Variants in COL24A1 observed in about 807,000 individuals in gnomAD.
COL24A1 encodes collagen type XXIV alpha 1 chain.
Under a neutral mutation model 253.9 loss-of-function variants are expected in COL24A1, and 224 were observed. The ratio of observed to expected loss-of-function variants is 0.88; its 90% CI spans 0.79 to 0.99. The LOEUF (loss-of-function observed/expected upper bound fraction) is 0.99, where lower values mean the gene tolerates loss of function less well. COL24A1 is among the 50% of genes least tolerant of loss of function. The pLI is 0.00. For missense variants in COL24A1, 2,131 were observed against 2,068.5 expected (o/e 1.03, Z -0.59); for synonymous variants, 685 against 673.7 (o/e 1.02, Z -0.26).
chr1:86,126,495 C>T (rs1027837305), intron 2 of COL24A1, among the ~76,000 whole-genome samples: 1 of 152,018 alleles, frequency 6.6e-6, no homozygotes, highest in Non-Finnish European at 1.5e-5. Context: ...ATTTTAGAGA[C>T]AGGGTTTCCA....
chr1:85,836,200 G>C (rs1389331890), intron 43 of COL24A1, among the ~76,000 whole-genome samples: 1 of 152,150 alleles, frequency 6.6e-6, no homozygotes, highest in Non-Finnish European at 1.5e-5. Flanking sequence ...AGGCTCCCGT[G>C]TTACGTATAA....
intron 24 of COL24A1, among the ~76,000 whole-genome samples, chr1:85,923,631 A>T (rs1257593194): frequency 1.3e-5 from 2 of 152,228 alleles, no homozygotes; most frequent in Non-Finnish European, 2.9e-5. Context: ...ATGAGAACAA[A>T]GACACAACGT....
intron 43 of COL24A1, among the ~76,000 whole-genome samples, chr1:85,823,959 T>C (rs1424296530): frequency 2.0e-5 from 3 of 152,286 alleles, no homozygotes; most frequent in Middle Eastern, 6.8e-3. Context: ...TTTCTTTTTT[T>C]TTAATGTGAA....
chr1:85,885,397 A>ATATATATATATTTTTTT (rs60994639), intron 32 of COL24A1, among the ~76,000 whole-genome samples: 4 of 128,912 alleles, frequency 3.1e-5, no homozygotes, highest in Admixed American at 8.4e-5. Context: ...ATATATATAT[A>ATATATATATATTTTTTT]TTTTTTTTTT....
chr1:86,139,200 G>C (rs1047306419), intron 2 of COL24A1, among the ~76,000 whole-genome samples: 2 of 151,372 alleles, frequency 1.3e-5, no homozygotes, highest in African/African-American at 2.4e-5. Flanking sequence ...AGGGAGGAGA[G>C]AGAAGTAGTA....
chr1:86,138,621 C>A (rs151320187), intron 2 of COL24A1, among the ~76,000 whole-genome samples: 1 of 152,184 alleles, frequency 6.6e-6, no homozygotes, highest in Non-Finnish European at 1.5e-5. Flanking sequence ...TGGCCTTCCA[C>A]CATGATTGTG....
intron 24 of COL24A1, among the ~76,000 whole-genome samples, chr1:85,941,711 A>G (rs1688774014): frequency 6.6e-6 from 1 of 152,170 alleles, no homozygotes; most frequent in African/African-American, 2.4e-5. Context: ...CTAAGAAACT[A>G]TTTCCTGACA....
rs77380975 is a variant in COL24A1, at chr1:86,123,898, C to G, written c.1491+947G>C. ...AAGACTGGCTTCACCTTCTCCCATT[C>G]TATGATTTCTAGAGCTAAGCCAAAG... On this transcript the variant is annotated intron_variant, in intron 3 of 59. Coordinates refer to ENST00000370571, the MANE Select transcript of COL24A1 (RefSeq NM_152890.7). Among the ~76,000 whole-genome samples, 1,371 of 151,902 alleles carry G rather than the reference C, an allele frequency of 9.0e-3. 24 individuals carry two copies. Among genetic ancestry groups the G allele is most frequent in the East Asian group, 0.074 (383 of 5,174 alleles).
At chr1:85,985,946 A>G (rs1445238427) in intron 20 of COL24A1, among the ~76,000 whole-genome samples, 1 of 151,800 alleles carries the variant, frequency 6.6e-6, no homozygotes, top group African/African-American at 2.4e-5. Context: ...CTTCTATTAT[A>G]AATATTTTCC....
chr1:86,060,396 T>C (rs1258656175), intron 8 of COL24A1, among the ~76,000 whole-genome samples: 1 of 152,120 alleles, frequency 6.6e-6, no homozygotes, highest in African/African-American at 2.4e-5. Flanking sequence ...ATAAATGATA[T>C]AATGGAAGAT....
intron 12 of COL24A1, among the ~76,000 whole-genome samples, chr1:86,041,886 C>A (rs72716137): frequency 1.8e-3 from 272 of 152,208 alleles, no homozygotes; most frequent in South Asian, 6.6e-3. Flanking sequence ...GAGTTGAACT[C>A]AAATATCCAC....
chr1:85,794,547 T>A (rs138167417), intron 47 of COL24A1, among the ~76,000 whole-genome samples: 6 of 152,258 alleles, frequency 3.9e-5, no homozygotes, highest in African/African-American at 1.4e-4. Flanking sequence ...TAGAGAGAAA[T>A]TTGAGGATGA....
Position 86,040,702 on chromosome 1 carries a change from A to T in COL24A1, c.1950+6123T>A, listed in dbSNP as rs138933677. ...TCTTCCATACACCCTGTCATACTAC[A>T]GTTAGCCAAATATAGCTACTACAGA... On this transcript the variant is annotated intron_variant, in intron 12 of 59. Coordinates refer to ENST00000370571, the MANE Select transcript of COL24A1 (RefSeq NM_152890.7). Among the ~76,000 whole-genome samples, 15 of 152,224 alleles carry T rather than the reference A, an allele frequency of 9.9e-5. No homozygotes were observed. In the East Asian group the frequency reaches 2.9e-3, roughly 29 times the overall value.
rs185052087 is a variant in COL24A1 at position 85,970,827 on chromosome 1, A to G, written c.2418+513T>C. On this transcript the variant is annotated intron_variant, in intron 21 of 59. Transcript: ENST00000370571. ...GATTCTGGGTTCAGATTCTTCAGACATTCCATTGGAGACCACTAACATAAA... is the reference window on the plus strand; with the variant it reads ...GATTCTGGGTTCAGATTCTTCAGACGTTCCATTGGAGACCACTAACATAAA... 2.6e-4 allele frequency among the ~76,000 whole-genome samples: 39 copies of G among 152,364 alleles called. 1 individual carries two copies. The East Asian group carries it at 6.7e-3, about 26-fold the overall frequency.
chr1:85,889,932 C>A (rs1487184284), intron 31 of COL24A1, among the ~76,000 whole-genome samples: 1 of 152,004 alleles, frequency 6.6e-6, no homozygotes, highest in African/African-American at 2.4e-5. Context: ...TATTTCCTGG[C>A]AACCACCATT....
intron 4 of COL24A1, among the ~76,000 whole-genome samples, chr1:86,115,028 T>C (rs1705998807): frequency 6.6e-6 from 1 of 152,184 alleles, no homozygotes; most frequent in Admixed American, 6.5e-5. Flanking sequence ...CCTTAGATAT[T>C]GCGATCACTT....
intron 3 of COL24A1, among the ~76,000 whole-genome samples, chr1:86,118,308 CT>C (rs1159484522): frequency 2.0e-5 from 3 of 152,152 alleles, no homozygotes; most frequent in Non-Finnish European, 4.4e-5. Context: ...TGTGATCCCC[CT>C]GCCTTGGCCT....
chr1:86,036,772 C>G (rs1306474693), intron 12 of COL24A1, among the ~76,000 whole-genome samples: 1 of 152,060 alleles, frequency 6.6e-6, no homozygotes, highest in Non-Finnish European at 1.5e-5. Flanking sequence ...ATACAAAAGA[C>G]AGTCTCTATA....
At chr1:85,813,740 A>G (rs1300006395) in intron 47 of COL24A1, among the ~76,000 whole-genome samples, 2 of 150,614 alleles carry the variant, frequency 1.3e-5, no homozygotes, top group African/African-American at 4.9e-5. Context: ...TTTAGTAGAG[A>G]CGGGGTTTCA....
Sources: allele counts gnomAD v4.1 joint callset (sites outside exome capture counted in the v4.1 genomes callset), GRCh38; gene constraint gnomAD v4.1.1; transcripts MANE v1.5; gene names NCBI Gene and HGNC (gene_info 2026-07-23, HGNC 2026-07-21).